Variants in MRTFB observed in about 807,000 individuals in gnomAD.
MRTFB encodes the protein myocardin-related transcription factor B.
Under a neutral mutation model 104.2 loss-of-function variants are expected in MRTFB, and 29 were observed. That is an observed-to-expected ratio of 0.28 (90% CI 0.21 to 0.38). The LOEUF is 0.38. Among genes scored for constraint, MRTFB ranks in the 10% least tolerant of loss-of-function variants. MRTFB has a pLI of 1.00. For missense variants in MRTFB, 1,270 were observed against 1,341.6 expected, an observed-to-expected ratio of 0.95 and a Z score of 0.83; for synonymous variants, 535 against 519.5, an observed-to-expected ratio of 1.03 and a Z score of -0.41.
At chr16:14,164,338 G>A (rs1189679979) in intron 3 of MRTFB, among the ~76,000 whole-genome samples, 2 of 152,100 alleles carry the variant, frequency 1.3e-5, no homozygotes, top group Non-Finnish European at 2.9e-5. Flanking sequence ...TTTCATGCCT[G>A]ATTTATTTCA....
chr16:14,045,581 C>T, the MRTFB span, among the ~76,000 whole-genome samples: 1 of 152,182 alleles, frequency 6.6e-6, no homozygotes, highest in Non-Finnish European at 1.5e-5. Flanking sequence ...GCTGTCTGTA[C>T]AAATGGGGAA....
intron 6 of MRTFB, among the ~76,000 whole-genome samples, chr16:14,216,729 T>G (rs954898561): frequency 6.6e-6 from 1 of 152,136 alleles, no homozygotes; most frequent in East Asian, 1.9e-4. Context: ...CTTCTAAGAA[T>G]TGACTTTCCA....
chr16:14,121,392 G>A (rs2036837506), intron 2 of MRTFB, among the ~76,000 whole-genome samples: 1 of 152,116 alleles, frequency 6.6e-6, no homozygotes. Context: ...CTGAGAATGA[G>A]TAACATGACC....
intron 2 of MRTFB, among the ~76,000 whole-genome samples, chr16:14,103,465 G>T (rs2035806595): frequency 6.6e-6 from 1 of 152,190 alleles, no homozygotes; most frequent in African/African-American, 2.4e-5. Context: ...GTAAGAATGA[G>T]TTCAGGGATT....
At chr16:14,166,005 A>G (rs1193400205) in intron 3 of MRTFB, among the ~76,000 whole-genome samples, 2 of 152,200 alleles carry the variant, frequency 1.3e-5, no homozygotes, top group East Asian at 3.8e-4. Flanking sequence ...CCATAGTTGA[A>G]AGTAAGAAGT....
chr16:14,203,660 G>A (rs1022521940), intron 3 of MRTFB, among the ~76,000 whole-genome samples: 2 of 151,668 alleles, frequency 1.3e-5, no homozygotes, highest in African/African-American at 2.4e-5. Context: ...CAGATTAGCC[G>A]GGCATGGTGG....
At chr16:14,034,324 C>A in the MRTFB span, among the ~76,000 whole-genome samples, 4 of 151,992 alleles carry the variant, frequency 2.6e-5, no homozygotes, top group South Asian at 8.3e-4. Context: ...TTATAAATGG[C>A]CATCTTTGGC....
In MRTFB at chr16:14,259,714, G is replaced by A. The variant is rs116515119; in HGVS notation, c.2765-1195G>A. Reference sequence around the variant, plus strand: ...TGCAATGAGCTGAGATCATGCCACCGCACTCCAGCCAGGCTTGGCAACAGT... The same window carrying A: ...TGCAATGAGCTGAGATCATGCCACCACACTCCAGCCAGGCTTGGCAACAGT... On this transcript the variant is annotated intron_variant, in intron 16 of 16. Transcript: ENST00000571589. 3.5e-3 allele frequency among the ~76,000 whole-genome samples: 536 copies of A among 152,152 alleles called. 3 individuals carry two copies. Among genetic ancestry groups the A allele is most frequent in the African/African-American group, 0.012 (512 of 41,490 alleles).
At chr16:14,158,888 T>C (rs1335393257) in intron 3 of MRTFB, among the ~76,000 whole-genome samples, 1 of 151,818 alleles carries the variant, frequency 6.6e-6, no homozygotes, top group Non-Finnish European at 1.5e-5. Context: ...TCGCAGCCAC[T>C]TGGGAGTCTC....
At chr16:14,206,802 T>C (rs1482547565) in intron 3 of MRTFB, among the ~76,000 whole-genome samples, 1 of 152,104 alleles carries the variant, frequency 6.6e-6, no homozygotes, top group East Asian at 1.9e-4. Flanking sequence ...CGTCCCGGCC[T>C]CCCAAAGTAT....
intron 2 of MRTFB, among the ~76,000 whole-genome samples, chr16:14,115,354 T>G (rs1410629454): frequency 4.6e-5 from 7 of 152,200 alleles, no homozygotes. Context: ...ATTGCCAAAT[T>G]TCTGGGTTTT....
At chr16:14,175,787 A>C (rs553738318) in intron 3 of MRTFB, among the ~76,000 whole-genome samples, 1 of 152,326 alleles carries the variant, frequency 6.6e-6, no homozygotes, top group South Asian at 2.1e-4. Flanking sequence ...AATAGAAAGG[A>C]ACCAACCACC....
the MRTFB span, among the ~76,000 whole-genome samples, chr16:14,017,712 T>TATA: frequency 0.06 from 597 of 9,900 alleles, 53 homozygotes; most frequent in African/African-American, 0.098. Flanking sequence ...TATATATATA[T>TATA]TTTTTTTTTT....
intron 9 of MRTFB, among the ~76,000 whole-genome samples, chr16:14,239,391 T>C (rs952348433): frequency 6.6e-6 from 1 of 152,242 alleles, no homozygotes; most frequent in African/African-American, 2.4e-5. Context: ...GTCCTAATTC[T>C]TTGGATATGA....
At chr16:13,997,673 G>A in the MRTFB span, among the ~76,000 whole-genome samples, 1 of 151,250 alleles carries the variant, frequency 6.6e-6, no homozygotes, top group African/African-American at 2.4e-5. Flanking sequence ...TGTGCCTATA[G>A]TCCCAGCTAC....
Position 14,240,226 on chromosome 16 carries a change from C to G in MRTFB, c.832-11C>G, listed in dbSNP as rs1567205231. On this transcript the variant is annotated splice_polypyrimidine_tract_variant and intron_variant, in intron 9 of 16. Transcript: ENST00000571589. ...TCTCTTTAAATGTTATTTTCTTTTT[C>G]TCAAAAATAGCAAAGCCATCCCAAG... The G allele has an allele frequency of 6.4e-7, 1 of 1,573,990 alleles. No individual in the cohort carries two copies.
At chr16:14,071,154 C>A (rs1380127488), upstream of MRTFB, among the ~76,000 whole-genome samples, 1 of 152,192 alleles carries the variant, frequency 6.6e-6, no homozygotes, top group African/African-American at 2.4e-5. Flanking sequence ...CGGGAGTGGG[C>A]GGAGTGCACG....
At chr16:14,126,967 GC>G (rs1292250713) in intron 2 of MRTFB, among the ~76,000 whole-genome samples, 1 of 152,196 alleles carries the variant, frequency 6.6e-6, no homozygotes, top group Non-Finnish European at 1.5e-5. Flanking sequence ...GTTTCTCACA[GC>G]CAAGTGTAAT....
At chr16:14,211,081 A>T (rs2151170311) in intron 4 of MRTFB, among the ~76,000 whole-genome samples, 1 of 152,326 alleles carries the variant, frequency 6.6e-6, no homozygotes, top group Non-Finnish European at 1.5e-5. Flanking sequence ...TATGCTTTCC[A>T]GTCTTCTGAA....
Sources: gnomAD v4.1 joint callset for allele counts (sites outside exome capture counted in the v4.1 genomes callset) on GRCh38, gnomAD v4.1.1 for gene constraint, MANE v1.5 for transcripts, NCBI Gene and HGNC (gene_info 2026-07-23, HGNC 2026-07-21) for gene names.